PUS10: variants seen among roughly 807,000 people sequenced by gnomAD.
PUS10 encodes the protein pseudouridine synthase 10.
PUS10 carries 59 observed loss-of-function variants against 75.0 expected under a neutral mutation model. The ratio of observed to expected loss-of-function variants is 0.79; its 90% CI spans 0.64 to 0.98. PUS10 has a LOEUF of 0.98. Ranked by LOEUF, PUS10 falls within the 50% of genes least tolerant of loss-of-function variation. The pLI, the probability that PUS10 is intolerant of heterozygous loss-of-function variation, is 0.00. For missense variants in PUS10, 650 were observed against 614.4 expected (o/e 1.06, Z -0.61); for synonymous variants, 219 against 211.6 (o/e 1.03, Z -0.30).
At chr2:60,982,137 G>GAT (rs1264573258) in intron 4 of PUS10, among the ~76,000 whole-genome samples, 1 of 151,870 alleles carries the variant, frequency 6.6e-6, no homozygotes, top group African/African-American at 2.4e-5. Context: ...TCACAATGCA[G>GAT]GTATTTGGTC....
At chr2:61,010,618 C>A in intron 2 of PUS10, 2 of 713,896 alleles carry the variant, frequency 2.8e-6, no homozygotes. Context: ...AGCCACCGCA[C>A]CCAGCCAATT....
chr2:60,953,506 G>C (rs1474903115), intron 14 of PUS10, among the ~76,000 whole-genome samples: 2 of 152,190 alleles, frequency 1.3e-5, no homozygotes, highest in Non-Finnish European at 2.9e-5. Context: ...CCAGCTTGCA[G>C]CATGTGTCAG....
intron 4 of PUS10, among the ~76,000 whole-genome samples, chr2:60,981,797 T>C (rs1677411547): frequency 6.6e-6 from 1 of 152,140 alleles, no homozygotes; most frequent in African/African-American, 2.4e-5. Context: ...TTTGCTGTAA[T>C]CACATAGCCT....
intron 4 of PUS10, among the ~76,000 whole-genome samples, chr2:60,997,503 G>A (rs191686972): frequency 3.5e-4 from 53 of 151,974 alleles, no homozygotes; most frequent in African/African-American, 1.2e-3. Context: ...CCAGCTACTC[G>A]GGAGGCTGAG....
chr2:60,972,013 A>G (rs1224409361), intron 4 of PUS10, among the ~76,000 whole-genome samples: 3 of 149,038 alleles, frequency 2.0e-5, no homozygotes, highest in African/African-American at 7.3e-5. Context: ...TGGTATTACA[A>G]ATGCCTGCCA....
chr2:60,963,004 T>C, intron 8 of PUS10, 114 bp from the exon 9 acceptor site: 3 of 1,405,154 alleles, frequency 2.1e-6, no homozygotes, highest in Non-Finnish European at 1.8e-6. Flanking sequence ...TATCATTTCA[T>C]ATACTTAACA....
chr2:60,959,528 A>G (rs1269032302), intron 11 of PUS10, among the ~76,000 whole-genome samples: 5 of 152,242 alleles, frequency 3.3e-5, no homozygotes, highest in Admixed American at 1.3e-4. Context: ...AGCTGGGACT[A>G]TTGGTGCGCA....
chr2:60,999,491 C>G (rs1179044705), intron 4 of PUS10, among the ~76,000 whole-genome samples: 1 of 152,080 alleles, frequency 6.6e-6, no homozygotes, highest in Admixed American at 6.6e-5. Flanking sequence ...TAGTGGCATG[C>G]ACCTGTGGTC....
At chr2:60,947,646 G>A (rs963390552) in intron 16 of PUS10, among the ~76,000 whole-genome samples, 6 of 152,030 alleles carry the variant, frequency 3.9e-5, no homozygotes, top group Admixed American at 6.6e-5. Context: ...TGGCTAACAC[G>A]GTGAAACCCC....
intron 17 of PUS10, among the ~76,000 whole-genome samples, chr2:60,943,890 C>G (rs1487061232): frequency 6.6e-6 from 1 of 151,746 alleles, no homozygotes; most frequent in East Asian, 1.9e-4. Context: ...TTTGACACTC[C>G]TAACTGTTCT....
intron 1 of PUS10, among the ~76,000 whole-genome samples, chr2:61,012,857 A>C (rs1415462366): frequency 2.0e-5 from 2 of 97,992 alleles, no homozygotes; most frequent in Non-Finnish European, 4.3e-5. Context: ...AAAAAAAAAA[A>C]AAAAAAAAAA....
At chr2:60,968,744 T>C (rs1166193003) in intron 5 of PUS10, among the ~76,000 whole-genome samples, 3 of 152,158 alleles carry the variant, frequency 2.0e-5, no homozygotes, top group African/African-American at 7.2e-5. Context: ...AGAATATAAC[T>C]TGTTACAGAG....
chr2:60,968,262 C>T (rs529518126), intron 5 of PUS10, among the ~76,000 whole-genome samples: 1 of 152,054 alleles, frequency 6.6e-6, no homozygotes, highest in South Asian at 2.1e-4. Flanking sequence ...TAGTTTGTAA[C>T]CTAAAATTGT....
intron 15 of PUS10, among the ~76,000 whole-genome samples, chr2:60,950,406 T>C (rs184367307): frequency 1.3e-5 from 2 of 152,252 alleles, no homozygotes; most frequent in Non-Finnish European, 2.9e-5. Flanking sequence ...AATAGGGTCA[T>C]ATGCTGGGTT....
Position 60,997,879 on chromosome 2 carries a change from G to A in PUS10, c.468+8678C>T, listed in dbSNP as rs148583770. The stretch of plus-strand genomic sequence containing the variant: ...TCAGAAAAGGCTTATTGAATGAAGT[G>A]GACCTTGGGTTGGTCTTACATGGTG... On this transcript the variant is annotated intron_variant, in intron 4 of 17. Transcript: ENST00000316752. Among the ~76,000 whole-genome samples, 8 of 152,298 alleles carry A rather than the reference G, an allele frequency of 5.3e-5. No homozygotes were observed. The East Asian group carries it at 1.5e-3, about 29-fold the overall frequency.
intron 4 of PUS10, among the ~76,000 whole-genome samples, chr2:60,996,712 T>C (rs1678487974): frequency 6.6e-6 from 1 of 152,174 alleles, no homozygotes; most frequent in Non-Finnish European, 1.5e-5. Context: ...GAGCCTTGGT[T>C]TTCTCCTCTT....
At chr2:60,952,950 T>G (rs527528206) in intron 15 of PUS10, 47 bp downstream of exon 15, 1 of 1,043,504 alleles carries the variant, frequency 9.6e-7, no homozygotes, top group South Asian at 1.3e-5. Context: ...GGATCTTTGA[T>G]AGGCAACAGA....
chr2:60,960,855 A>C (rs961530232), intron 10 of PUS10, among the ~76,000 whole-genome samples: 2 of 151,600 alleles, frequency 1.3e-5, no homozygotes, highest in South Asian at 2.1e-4. Context: ...AAAAAAAAAA[A>C]AAAAAAACGC....
At chr2:61,012,782 C>T (rs1241168515) in intron 1 of PUS10, among the ~76,000 whole-genome samples, 3 of 127,078 alleles carry the variant, frequency 2.4e-5, no homozygotes, top group East Asian at 2.5e-4. Flanking sequence ...TGCAGTGAGC[C>T]GAGATTGCGC....
Sources: allele counts gnomAD v4.1 joint callset (sites outside exome capture counted in the v4.1 genomes callset), GRCh38; gene constraint gnomAD v4.1.1; transcripts MANE v1.5; gene names NCBI Gene and HGNC (gene_info 2026-07-23, HGNC 2026-07-21).